Variants in FOCAD observed in about 807,000 individuals in gnomAD.
The protein encoded by FOCAD is focadhesin.
In FOCAD, 198 loss-of-function variants were observed where a neutral mutation model predicts 225.6. That is an observed-to-expected ratio of 0.88 (90% confidence interval 0.78 to 0.99). The LOEUF (loss-of-function observed/expected upper bound fraction) is 0.99, where lower values mean the gene tolerates loss of function less well. Among genes scored for constraint, FOCAD ranks in the 50% least tolerant of loss-of-function variants. FOCAD has a pLI of 0.00. For missense variants in FOCAD, 2,713 were observed against 2,123.6 expected (o/e 1.28, Z -5.46); for synonymous variants, 897 against 755.0 (o/e 1.19, Z -3.08).
At chr9:20,821,219 G>A (rs13283718) in intron 14 of FOCAD, 148 bp downstream of exon 14, 2 of 614,732 alleles carry the variant, frequency 3.3e-6, no homozygotes, top group East Asian at 3.3e-5. Context: ...ATTATAAAAT[G>A]TAATAATATT....
intron 6 of FOCAD, among the ~76,000 whole-genome samples, chr9:20,762,679 C>T (rs1001823310): frequency 2.6e-5 from 4 of 151,972 alleles, no homozygotes; most frequent in Admixed American, 2.0e-4. Context: ...AAAAGAATTC[C>T]CTTTTATTTT....
At chr9:20,730,199 A>C (rs547764330) in intron 4 of FOCAD, among the ~76,000 whole-genome samples, 2 of 152,058 alleles carry the variant, frequency 1.3e-5, no homozygotes, top group Non-Finnish European at 2.9e-5. Flanking sequence ...TTCATTTTTG[A>C]TGATGTTAGC....
chr9:20,881,683 G>A (rs1021369804), intron 19 of FOCAD, among the ~76,000 whole-genome samples, 188 bp from the exon 20 acceptor site: 1 of 152,152 alleles, frequency 6.6e-6, no homozygotes, highest in East Asian at 1.9e-4. Context: ...TTAAGCTTGA[G>A]CAACTTGGTG....
At chr9:20,768,983 A>G (rs1048630147) in intron 7 of FOCAD, among the ~76,000 whole-genome samples, 1 of 152,110 alleles carries the variant, frequency 6.6e-6, no homozygotes, top group Non-Finnish European at 1.5e-5. Flanking sequence ...TTTGTTATGG[A>G]AAATTAGAAA....
At chr9:20,798,703 T>A (rs1403689662) in intron 11 of FOCAD, among the ~76,000 whole-genome samples, 1 of 152,172 alleles carries the variant, frequency 6.6e-6, no homozygotes, top group African/African-American at 2.4e-5. Context: ...ATCCCCTTTA[T>A]CATTTTTTAT....
At chr9:20,909,421 G>A (rs1029804730) in intron 22 of FOCAD, among the ~76,000 whole-genome samples, 3 of 151,840 alleles carry the variant, frequency 2.0e-5, no homozygotes, top group African/African-American at 4.8e-5. Context: ...TCCCTAACAC[G>A]GTTATTAATT....
chr9:20,656,134 C>CT (rs1471830159), upstream of FOCAD, among the ~76,000 whole-genome samples: 21 of 149,744 alleles, frequency 1.4e-4, no homozygotes, highest in African/African-American at 4.4e-4. Context: ...GCACTGTGGT[C>CT]TGAGAGATAG....
intron 37 of FOCAD, among the ~76,000 whole-genome samples, chr9:20,978,689 TG>T (rs1840423228): frequency 6.6e-6 from 1 of 152,372 alleles, no homozygotes; most frequent in East Asian, 1.9e-4. Flanking sequence ...TGGAAAATGA[TG>T]ATCAGAGATA....
intron 15 of FOCAD, among the ~76,000 whole-genome samples, chr9:20,855,615 T>C (rs1181697286): frequency 3.0e-4 from 45 of 151,606 alleles, no homozygotes; most frequent in Admixed American, 2.9e-3. Flanking sequence ...ATTTCAATTA[T>C]AGTCTCTTAG....
chr9:20,864,901 G>A (rs1220539045), intron 16 of FOCAD, among the ~76,000 whole-genome samples: 2 of 151,912 alleles, frequency 1.3e-5, no homozygotes, highest in East Asian at 1.9e-4. Context: ...ATTTTTTATT[G>A]TATTGTTACA....
chr9:20,746,891 T>G (rs1828080512), intron 5 of FOCAD, among the ~76,000 whole-genome samples: 1 of 152,172 alleles, frequency 6.6e-6, no homozygotes. Context: ...TTCTTTGTTT[T>G]TCATGGTGTT....
chr9:20,655,701 A>T (rs1274501974), upstream of FOCAD, among the ~76,000 whole-genome samples: 1 of 152,054 alleles, frequency 6.6e-6, no homozygotes, highest in Non-Finnish European at 1.5e-5. Context: ...CGGTCTATCA[A>T]TTTTGTTGAT....
intron 2 of FOCAD, among the ~76,000 whole-genome samples, chr9:20,675,473 A>G (rs1372079820): frequency 6.6e-6 from 1 of 152,218 alleles, no homozygotes; most frequent in Non-Finnish European, 1.5e-5. Flanking sequence ...GTACTAAAAG[A>G]TAATATACAT....
At position 20,781,783 on chromosome 9, in the gene FOCAD, C is replaced by CT; in HGVS notation, c.1052dup (p.Val352SerfsTer21). On this transcript the variant is annotated frameshift_variant, in exon 10 of 44. Transcript: ENST00000338382. LOFTEE classifies it high-confidence loss of function. ...GAAAATCCCAAAGTCCTCTCTGCTG[C>CT]TAGTGATGCCAATTCTGCAGATACT... The CT allele has an allele frequency of 6.2e-7, 1 of 1,614,112 alleles. No individual in the cohort carries two copies. Among genetic ancestry groups the CT allele is most frequent in the South Asian group, 1.1e-5 (1 of 91,086 alleles).
At chr9:20,799,911 G>T (rs1040754210) in intron 11 of FOCAD, among the ~76,000 whole-genome samples, 2 of 152,050 alleles carry the variant, frequency 1.3e-5, no homozygotes, top group African/African-American at 4.8e-5. Flanking sequence ...TGGTTATTTT[G>T]CTCGTTAGTT....
At chr9:20,672,420 T>C (rs928400830) in intron 2 of FOCAD, among the ~76,000 whole-genome samples, 2 of 152,184 alleles carry the variant, frequency 1.3e-5, no homozygotes, top group Admixed American at 1.3e-4. Flanking sequence ...ACAAATGAAA[T>C]CAATAAGTTA....
intron 11 of FOCAD, among the ~76,000 whole-genome samples, chr9:20,799,780 A>G (rs898392741): frequency 5.3e-5 from 8 of 152,028 alleles, no homozygotes; most frequent in Non-Finnish European, 1.2e-4. Flanking sequence ...CAGCACACTG[A>G]TGGTTCTTGA....
At chr9:20,680,155 G>A (rs1479132014), upstream of FOCAD, among the ~76,000 whole-genome samples, 1 of 152,188 alleles carries the variant, frequency 6.6e-6, no homozygotes. Context: ...TTTAGTTAAC[G>A]TGATTAATTA....
At chr9:20,673,131 G>A (rs905275155) in intron 2 of FOCAD, among the ~76,000 whole-genome samples, 11 of 152,208 alleles carry the variant, frequency 7.2e-5, no homozygotes, top group Admixed American at 5.2e-4. Context: ...ATTTTGGCCA[G>A]TATAGACAGA....
Sources: gnomAD v4.1 joint callset for allele counts (sites outside exome capture counted in the v4.1 genomes callset) on GRCh38, gnomAD v4.1.1 for gene constraint, MANE v1.5 for transcripts, NCBI Gene and HGNC (gene_info 2026-07-23, HGNC 2026-07-21) for gene names.